GBF1: variants seen among roughly 807,000 people sequenced by gnomAD.
GBF1 encodes the protein Golgi-specific brefeldin A-resistance guanine nucleotide exchange factor 1.
Under a neutral mutation model 210.5 loss-of-function variants are expected in GBF1, and 114 were observed. The observed-to-expected ratio is 0.54, with a 90% CI of 0.47 to 0.63. The LOEUF is 0.63. Ranked by LOEUF, GBF1 falls within the 30% of genes least tolerant of loss-of-function variation. The pLI, the probability that GBF1 is intolerant of heterozygous loss-of-function variation, is 0.00. For missense variants in GBF1, 1,851 were observed against 2,357.7 expected, an observed-to-expected ratio of 0.79 and a Z score of 4.45; for synonymous variants, 850 against 889.2, an observed-to-expected ratio of 0.96 and a Z score of 0.78.
intron 21 of GBF1, 23 bp downstream of exon 21, chr10:102,367,583 G>A (rs758053984): frequency 6.3e-6 from 8 of 1,264,466 alleles, no homozygotes; most frequent in African/African-American, 2.9e-5. Context: ...AGAGAATAGT[G>A]CAGTATCTCT....
At chr10:102,234,308 G>A in the GBF1 span, among the ~76,000 whole-genome samples, 1 of 152,148 alleles carries the variant, frequency 6.6e-6, no homozygotes, top group African/African-American at 2.4e-5. Flanking sequence ...TGGAACCGAG[G>A]TCAAGGCAGG....
In GBF1 at chr10:102,328,927, A is replaced by T. The variant is rs554027477; in HGVS notation, c.164-15124A>T. Among the ~76,000 whole-genome samples, 22 of 152,348 alleles carry T rather than the reference A, an allele frequency of 1.4e-4. No individual in the cohort carries two copies. The South Asian group carries it at 2.3e-3, about 16-fold the overall frequency. On this transcript the variant is annotated intron_variant, in intron 3 of 39. Coordinates refer to ENST00000369983, the MANE Select transcript of GBF1 (RefSeq NM_001377137.1). ...GAATTTGTATTGAAAAAGCTGCTCC[A>T]AGTGTAATGACTGCATAAAGCTGGG...
At chr10:102,249,890 C>T (rs534759703) in intron 1 of GBF1, among the ~76,000 whole-genome samples, 83 of 152,174 alleles carry the variant, frequency 5.5e-4, no homozygotes, top group Non-Finnish European at 1.1e-3. Flanking sequence ...TGTGGTTTCA[C>T]CATATTGGCC....
chr10:102,259,154 C>A, intron 2 of GBF1, 120 bp downstream of exon 2: 1 of 634,626 alleles, frequency 1.6e-6, no homozygotes, highest in South Asian at 1.8e-5. Flanking sequence ...CAGAGTTGTT[C>A]TTGATATCTT....
At chr10:102,338,317 T>C (rs2057920765) in intron 3 of GBF1, among the ~76,000 whole-genome samples, 1 of 148,798 alleles carries the variant, frequency 6.7e-6, no homozygotes, top group Non-Finnish European at 1.5e-5. Context: ...CTCGGCTCAC[T>C]GTAGCCTCTG....
chr10:102,240,556 T>C (rs575999392), upstream of GBF1, among the ~76,000 whole-genome samples: 58 of 152,338 alleles, frequency 3.8e-4, 1 homozygote, highest in East Asian at 0.011. Flanking sequence ...TAGACGGACA[T>C]GCCACCCAGC....
At chr10:102,303,642 C>T (rs1174682306) in intron 3 of GBF1, among the ~76,000 whole-genome samples, 1 of 152,178 alleles carries the variant, frequency 6.6e-6, no homozygotes, top group African/African-American at 2.4e-5. Flanking sequence ...TATATTCAGG[C>T]AGCTCACACC....
chr10:102,289,631 T>G (rs571527088), intron 3 of GBF1, among the ~76,000 whole-genome samples: 1 of 152,332 alleles, frequency 6.6e-6, no homozygotes, highest in Admixed American at 6.5e-5. Context: ...AACCCTGGCC[T>G]CATATTCCTG....
upstream of GBF1, among the ~76,000 whole-genome samples, chr10:102,240,384 C>T (rs2070502112): frequency 6.6e-6 from 1 of 152,252 alleles, no homozygotes; most frequent in Non-Finnish European, 1.5e-5. Flanking sequence ...TCCCAGCCCA[C>T]CTCACCCCAA....
chr10:102,352,273 CT>C (rs1467483721), intron 6 of GBF1, among the ~76,000 whole-genome samples, 184 bp from the exon 7 acceptor site: 5 of 152,004 alleles, frequency 3.3e-5, no homozygotes, highest in African/African-American at 1.2e-4. Flanking sequence ...CCTTTTTTCC[CT>C]GACTCAGTAG....
chr10:102,363,324 G>A lies in GBF1; in HGVS notation c.1945G>A (p.Gly649Ser). The A allele has an allele frequency of 6.2e-7, 1 of 1,614,074 alleles. No individual in the cohort carries two copies. The highest frequency in any genetic ancestry group is 8.5e-7 in the Non-Finnish European group (1 of 1,179,926). ...ASDIPGLHLP[G>S]GGRLPPEHGK... ...AGACATCCCAGGCCTGCATCTGCCAGGTGGAGGGCGGCTGCCACCAGAACA... is the reference window on the plus strand; with the variant it reads ...AGACATCCCAGGCCTGCATCTGCCAAGTGGAGGGCGGCTGCCACCAGAACA... Residue 649 changes from glycine to serine, a missense_variant, in exon 16 of 40, where the codon GGT (glycine) becomes AGT (serine). Physicochemically the swap from Gly to Ser is moderately conservative, Grantham distance 56. Coordinates refer to ENST00000369983, the MANE Select transcript of GBF1 (RefSeq NM_001377137.1). The surrounding 1 kb of genome is among the most constrained non-coding windows in gnomAD (Gnocchi z 4.2).
intron 19 of GBF1, 83 bp from the exon 20 acceptor site, chr10:102,367,002 C>T: frequency 6.7e-7 from 1 of 1,486,412 alleles, no homozygotes; most frequent in Non-Finnish European, 9.3e-7. Flanking sequence ...CTCCTCTGTA[C>T]TAGCACTGAC....
Position 102,369,751 on chromosome 10 carries a change from A to G in GBF1, c.3191A>G (p.Gln1064Arg), listed in dbSNP as rs755811590. Reference sequence around the variant, plus strand: ...GATCCCAATGGCAAGATCTCTCTACAGCGGGAAGAGACACCATCAAACCGG... The same window carrying G: ...GATCCCAATGGCAAGATCTCTCTACGGCGGGAAGAGACACCATCAAACCGG... Reference protein sequence around the residue: ...FVDPNGKISLQREETPSNRGE... With the variant: ...FVDPNGKISLRREETPSNRGE... Residue 1064 changes from glutamine (Q) to arginine (R), a missense_variant, in exon 25 of 40, where the codon CAG (glutamine) becomes CGG (arginine). Transcript: ENST00000369983. The G allele has an allele frequency of 2.5e-6, 4 of 1,614,144 alleles. No individual in the cohort carries two copies. Among genetic ancestry groups the G allele is most frequent in the Non-Finnish European group, 3.4e-6 (4 of 1,179,950 alleles).
chr10:102,291,728 C>G (rs76157765), intron 3 of GBF1, among the ~76,000 whole-genome samples: 1 of 152,072 alleles, frequency 6.6e-6, no homozygotes, highest in Non-Finnish European at 1.5e-5. Flanking sequence ...ATCCCTTTGC[C>G]GTGGCACCAT....
At chr10:102,314,234 C>T (rs1399832006) in intron 3 of GBF1, among the ~76,000 whole-genome samples, 1 of 151,058 alleles carries the variant, frequency 6.6e-6, no homozygotes, top group Non-Finnish European at 1.5e-5. Flanking sequence ...CAGCCTCAAC[C>T]TCCTGGGCTC....
intron 3 of GBF1, among the ~76,000 whole-genome samples, chr10:102,334,589 C>A (rs180893883): frequency 6.6e-6 from 1 of 152,164 alleles, no homozygotes; most frequent in African/African-American, 2.4e-5. Context: ...TGGTTCATCC[C>A]TGTAATCCCA....
chr10:102,358,591 C>G lies in GBF1; in HGVS notation c.873C>G (p.Asp291Glu). 2 of 1,613,742 alleles carry G rather than the reference C, an allele frequency of 1.2e-6. No individual in the cohort carries two copies. The highest frequency in any genetic ancestry group is 1.7e-6 in the Non-Finnish European group (2 of 1,179,590). The part of the protein sequence containing the change: ...AASAVVSPST[D>E]SGLEFSSQTT... ...CAGCAGTGGTCAGTCCCTCTACAGA[C>G]AGTGGCCTGGAATTCTCCTCCCAAA... The change falls in exon 10 of 40, where the codon GAC becomes GAG. Residue 291 changes from aspartate (D) to glutamate (E), a missense_variant. By Grantham distance (45) the Asp-to-Glu change is conservative. Around this residue, in one of 3 missense-constraint regions of GBF1, gnomAD observed 804 missense variants for 958.6 expected, o/e 0.84. Coordinates refer to ENST00000369983, the MANE Select transcript of GBF1 (RefSeq NM_001377137.1).
chr10:102,326,367 A>C (rs984505001), intron 3 of GBF1, among the ~76,000 whole-genome samples: 2 of 152,222 alleles, frequency 1.3e-5, no homozygotes, highest in East Asian at 1.9e-4. Flanking sequence ...AAGGTTGCCC[A>C]AGGGGCACTG....
chr10:102,368,690 G>A (rs1468304292), intron 22 of GBF1, 49 bp from the exon 23 acceptor site: 2 of 1,325,562 alleles, frequency 1.5e-6, no homozygotes, highest in Non-Finnish European at 2.2e-6. Context: ...TGGAAGGGCT[G>A]CTTGGCCTTC....
Sources: allele counts gnomAD v4.1 joint callset (sites outside exome capture counted in the v4.1 genomes callset), GRCh38; gene constraint gnomAD v4.1.1; regional missense constraint gnomAD v4.1.1; non-coding constraint Gnocchi (gnomAD v3.1); transcripts MANE v1.5; gene names NCBI Gene and HGNC (gene_info 2026-07-23, HGNC 2026-07-21).